Variants in CREB5 observed in about 807,000 individuals in gnomAD.
CREB5 encodes the protein cyclic AMP-responsive element-binding protein 5.
CREB5 carries 19 observed loss-of-function variants against 57.1 expected under a neutral mutation model. The observed-to-expected ratio is 0.33, with a 90% CI of 0.23 to 0.49. CREB5 has a LOEUF of 0.49. CREB5 is among the 20% of genes least tolerant of loss of function. The pLI is 0.99. For missense variants in CREB5, 579 were observed against 671.6 expected (o/e 0.86, Z 1.52); for synonymous variants, 238 against 238.3 (o/e 1.00, Z 0.01).
chr7:28,562,911 A>T (rs982793059), intron 4 of CREB5, among the ~76,000 whole-genome samples: 1 of 152,208 alleles, frequency 6.6e-6, no homozygotes, highest in African/African-American at 2.4e-5. Context: ...TTCTACAAAA[A>T]ATATTTGTAC....
chr7:28,428,521 A>G (rs1168590785), intron 1 of CREB5, among the ~76,000 whole-genome samples: 1 of 152,158 alleles, frequency 6.6e-6, no homozygotes, highest in Non-Finnish European at 1.5e-5. Context: ...ACCTAGCAGG[A>G]CTTGCTGAGG....
chr7:28,512,706 G>T (rs1178992695), intron 4 of CREB5, among the ~76,000 whole-genome samples: 1 of 151,896 alleles, frequency 6.6e-6, no homozygotes, highest in Non-Finnish European at 1.5e-5. Context: ...TAATTGAAGG[G>T]ACTAGAAATG....
chr7:28,731,319 C>G (rs950529135), intron 7 of CREB5, among the ~76,000 whole-genome samples: 1 of 152,158 alleles, frequency 6.6e-6, no homozygotes, highest in Non-Finnish European at 1.5e-5. Flanking sequence ...GAAGGGCTAG[C>G]AACCATCTAT....
At chr7:28,318,068 C>G (rs1583667626) in intron 1 of CREB5, among the ~76,000 whole-genome samples, 1 of 152,190 alleles carries the variant, frequency 6.6e-6, no homozygotes, top group East Asian at 1.9e-4. Flanking sequence ...TATTTCTAGC[C>G]AATTGTTTTC....
Position 28,806,262 on chromosome 7 carries a change from T to C in CREB5, c.1026+1740T>C, listed in dbSNP as rs73079981. Among the ~76,000 whole-genome samples, 1,135 of 152,318 alleles carry C rather than the reference T, an allele frequency of 7.5e-3. 5 individuals carry two copies. Among genetic ancestry groups the C allele is most frequent in the South Asian group, 0.017 (84 of 4,820 alleles). ...TTAATTGCTATTATAATTAGCTTTA[T>C]GAACAGTTGCTTTTTTTAATTGTAT... On this transcript the variant is annotated intron_variant, in intron 8 of 10. Transcript: ENST00000357727.
Position 28,362,063 on chromosome 7 carries a change from A to G in CREB5, c.-25+62622A>G, listed in dbSNP as rs1786497485. Among the ~76,000 whole-genome samples, 3 of 152,364 alleles carry G rather than the reference A, an allele frequency of 2.0e-5. No individual in the cohort carries two copies. In the South Asian group the frequency reaches 6.2e-4, roughly 32 times the overall value. On this transcript the variant is annotated intron_variant, in intron 1 of 9. Coordinates refer to the CREB5 transcript ENST00000396299. The stretch of plus-strand genomic sequence containing the variant: ...ATTTGGCTAATAGAATTGGGCAACA[A>G]TATGACTTAAAATATTGATTTAAGC...
chr7:28,488,616 C>T lies in CREB5; in HGVS notation c.75+370C>T, dbSNP rs572630171. Among the ~76,000 whole-genome samples the T allele has an allele frequency of 1.7e-4, 26 of 152,236 alleles. No homozygotes were observed. In the South Asian group the frequency reaches 5.2e-3, roughly 30 times the overall value. ...CCACTTGAATATACTGGCTGGGCTT[C>T]GAGATTACTGATGAAATAGCTTAAC... On this transcript the variant is annotated intron_variant, in intron 2 of 10. Transcript: ENST00000357727.
At chr7:28,754,325 G>A (rs1411770333) in intron 7 of CREB5, among the ~76,000 whole-genome samples, 1 of 152,220 alleles carries the variant, frequency 6.6e-6, no homozygotes, top group East Asian at 1.9e-4. Context: ...TGATGGCACT[G>A]TGTGTCATGA....
At chr7:28,389,011 G>A (rs143933841) in intron 1 of CREB5, among the ~76,000 whole-genome samples, 1 of 152,258 alleles carries the variant, frequency 6.6e-6, no homozygotes, top group East Asian at 1.9e-4. Flanking sequence ...TTCTAAGTTT[G>A]AAGCCGAACC....
intron 1 of CREB5, among the ~76,000 whole-genome samples, chr7:28,354,789 CA>C (rs1203694695): frequency 6.6e-6 from 1 of 152,206 alleles, no homozygotes; most frequent in African/African-American, 2.4e-5. Flanking sequence ...AGTGTGGCTG[CA>C]GGCTTCTGGG....
At chr7:28,723,347 G>C (rs1268429805) in intron 6 of CREB5, among the ~76,000 whole-genome samples, 2 of 152,172 alleles carry the variant, frequency 1.3e-5, no homozygotes, top group Non-Finnish European at 2.9e-5. Flanking sequence ...ACATTTTGCC[G>C]TATTCGCTTC....
chr7:28,481,409 C>T (rs1161990370), intron 1 of CREB5, among the ~76,000 whole-genome samples: 1 of 152,138 alleles, frequency 6.6e-6, no homozygotes, highest in East Asian at 1.9e-4. Context: ...CAAGTTCAGG[C>T]CTTCTGGGGG....
At chr7:28,347,300 A>G (rs1193129722) in intron 1 of CREB5, among the ~76,000 whole-genome samples, 1 of 152,184 alleles carries the variant, frequency 6.6e-6, no homozygotes, top group South Asian at 2.1e-4. Context: ...CCAGAGCAGG[A>G]GATTTTTGAT....
chr7:28,611,665 C>T (rs1797391448), intron 5 of CREB5, among the ~76,000 whole-genome samples: 1 of 142,388 alleles, frequency 7.0e-6, no homozygotes, highest in Non-Finnish European at 1.5e-5. Flanking sequence ...GACAGAGACT[C>T]TGTCTCCTAA....
chr7:28,541,523 T>G (rs1445951378), intron 4 of CREB5, among the ~76,000 whole-genome samples: 1 of 151,984 alleles, frequency 6.6e-6, no homozygotes, highest in Non-Finnish European at 1.5e-5. Context: ...AAAAATTAGC[T>G]GGGCGTGGTG....
At chr7:28,782,942 C>T (rs180708642) in intron 7 of CREB5, among the ~76,000 whole-genome samples, 3 of 152,122 alleles carry the variant, frequency 2.0e-5, no homozygotes, top group South Asian at 2.1e-4. Context: ...CATTCTCAAA[C>T]GTGGTGCTGT....
intron 4 of CREB5, among the ~76,000 whole-genome samples, chr7:28,525,577 A>G (rs565329038): frequency 6.6e-6 from 1 of 152,272 alleles, no homozygotes; most frequent in Admixed American, 6.5e-5. Context: ...CCTGATGATT[A>G]GTGATGGTGA....
intron 1 of CREB5, among the ~76,000 whole-genome samples, chr7:28,444,941 T>C (rs1316734456): frequency 1.3e-5 from 2 of 152,202 alleles, no homozygotes; most frequent in East Asian, 3.9e-4. Context: ...ATTGTTTGGC[T>C]GTGTCCCCAC....
chr7:28,300,650 G>A (rs754692181), intron 1 of CREB5, among the ~76,000 whole-genome samples: 4 of 152,172 alleles, frequency 2.6e-5, no homozygotes, highest in African/African-American at 4.8e-5. Context: ...TGGATAGTCT[G>A]TGCCGAAACT....
Sources: allele counts gnomAD v4.1 joint callset (sites outside exome capture counted in the v4.1 genomes callset), GRCh38; gene constraint gnomAD v4.1.1; transcripts MANE v1.5; gene names NCBI Gene and HGNC (gene_info 2026-07-23, HGNC 2026-07-21).